PCLO: variants seen among roughly 807,000 people sequenced by gnomAD.
PCLO encodes piccolo presynaptic cytomatrix protein.
In PCLO, 82 loss-of-function variants were observed where a neutral mutation model predicts 427.5. The observed-to-expected ratio is 0.19, with a 90% CI of 0.16 to 0.23. The LOEUF (loss-of-function observed/expected upper bound fraction) is 0.23. Ranked by LOEUF, PCLO falls within the 10% of genes least tolerant of loss-of-function variation. The probability of loss-of-function intolerance (pLI) is 1.00; values close to 1 mark genes in which losing one functional copy is unlikely to be tolerated. For synonymous variants in PCLO, 2,357 were observed against 2,155.4 expected, an observed-to-expected ratio of 1.09 and a Z score of -2.59; for missense variants, 6,239 against 6,115.9, an observed-to-expected ratio of 1.02 and a Z score of -0.67.
chr7:83,028,660 A>C (rs976158724), intron 3 of PCLO, among the ~76,000 whole-genome samples: 72 of 150,792 alleles, frequency 4.8e-4, no homozygotes, highest in African/African-American at 1.6e-3. Context: ...GTCAATCCTA[A>C]GCCAAAAGAA....
chr7:82,884,317 A>G (rs1157889738), intron 9 of PCLO, among the ~76,000 whole-genome samples: 5 of 152,196 alleles, frequency 3.3e-5, no homozygotes, highest in African/African-American at 1.2e-4. Flanking sequence ...GAAATAAGGA[A>G]GACGAGTAAA....
In PCLO at chr7:82,758,702, G is replaced by A. The variant is rs1157469374; in HGVS notation, c.15302C>T (p.Ser5101Phe). Residue 5101 changes from serine (S) to phenylalanine (F), a missense_variant, in exon 25 of 25, where the codon TCC becomes TTC. Ser to Phe is a radical substitution (Grantham distance 155). Transcript: ENST00000333891. ...AGHSLQILLF[S>F]NGGKFMKKTL... is the part of the protein sequence containing the mutation. Reference sequence around the variant, plus strand: ...CTTTTTCATAAACTTCCCTCCATTGGAGAAAAGTAAAATCTAGAAAAAATA... The same window carrying A: ...CTTTTTCATAAACTTCCCTCCATTGAAGAAAAGTAAAATCTAGAAAAAATA... The A allele has an allele frequency of 1.9e-6, 3 of 1,596,452 alleles. No homozygotes were observed. Among genetic ancestry groups the A allele is most frequent in the East Asian group, 4.5e-5 (2 of 44,706 alleles).
rs1475072214 is a variant in PCLO at position 82,953,010 on chromosome 7, A to T, written c.7943T>A (p.Phe2648Tyr). Residue 2648 changes from phenylalanine to tyrosine, a missense_variant, in exon 5 of 25, where the codon TTT (phenylalanine) becomes TAT (tyrosine). Physicochemically the swap from Phe to Tyr is conservative, Grantham distance 22 (BLOSUM62 3). Coordinates refer to ENST00000333891, the MANE Select transcript of PCLO (RefSeq NM_033026.6). Reference sequence around the variant, plus strand: ...GGGTGCTGTGACAGGGGTAGCAGAAAATGTCTGTAAAGCTCCAGAGATGTA... The same window carrying T: ...GGGTGCTGTGACAGGGGTAGCAGAATATGTCTGTAAAGCTCCAGAGATGTA... The part of the protein sequence containing the change: ...TFYISGALQT[F>Y]SATPVTAPSS... 1.2e-6 allele frequency: 2 copies of T among 1,613,936 alleles called. No homozygotes were observed. Among genetic ancestry groups the T allele is most frequent in the Admixed American group, 3.3e-5 (2 of 60,020 alleles).
chr7:82,801,547 C>T lies in PCLO; in HGVS notation c.14978G>A (p.Gly4993Glu). ...QNGQEPVKQP[G>E]VGVGLADTEA... ...AGTGTCTGCTAGTCCTACTCCTACC[C>T]CTGGCTGTTTTACAGGCTCTTGTCC... Residue 4993 changes from glycine to glutamate, a missense_variant, in exon 22 of 25, where the codon GGG (glycine) becomes GAG (glutamate). Physicochemically the swap from Gly to Glu is moderately conservative, Grantham distance 98. Coordinates refer to ENST00000333891, the MANE Select transcript of PCLO (RefSeq NM_033026.6). The T allele has an allele frequency of 6.3e-7, 1 of 1,599,008 alleles. No individual in the cohort carries two copies. Among genetic ancestry groups the T allele is most frequent in the Admixed American group, 1.7e-5 (1 of 59,926 alleles).
intron 3 of PCLO, among the ~76,000 whole-genome samples, chr7:83,095,321 G>A (rs1184878321): frequency 2.6e-5 from 4 of 151,752 alleles, no homozygotes; most frequent in Non-Finnish European, 4.4e-5. Flanking sequence ...TACTGATAGT[G>A]GTAATTTGTA....
At chr7:82,834,075 G>T (rs1792165527) in intron 16 of PCLO, among the ~76,000 whole-genome samples, 2 of 152,144 alleles carry the variant, frequency 1.3e-5, no homozygotes, top group Admixed American at 6.6e-5. Context: ...CTAGATGAAA[G>T]ATATAAGAAA....
At position 83,162,562 on chromosome 7, in the gene PCLO, C is replaced by T; in HGVS notation, c.31G>A (p.Gly11Arg). The T allele has an allele frequency of 6.5e-7, 1 of 1,550,362 alleles. No homozygotes were observed. Among genetic ancestry groups the T allele is most frequent in the South Asian group, 1.2e-5 (1 of 84,216 alleles). Reference protein sequence around the residue: MGNEASLEGEGLPEGLAAAAA... With the variant: MGNEASLEGERLPEGLAAAAA... ...GCCGCCGCCAGCCCTTCGGGGAGCC[C>T]TTCCCCTTCCAAGCTCGCCTCGTTG... Residue 11 changes from glycine to arginine, a missense_variant, in exon 1 of 25, where the codon GGG (glycine) becomes AGG (arginine). Coordinates refer to ENST00000333891, the MANE Select transcript of PCLO (RefSeq NM_033026.6).
intron 3 of PCLO, among the ~76,000 whole-genome samples, chr7:83,124,984 G>A (rs1394851605): frequency 6.6e-6 from 1 of 152,172 alleles, no homozygotes; most frequent in Non-Finnish European, 1.5e-5. Flanking sequence ...TCCAGCTCCT[G>A]ACCTCGAGTG....
At chr7:82,946,447 A>G (rs1477321516) in intron 6 of PCLO, among the ~76,000 whole-genome samples, 1 of 152,228 alleles carries the variant, frequency 6.6e-6, no homozygotes, top group African/African-American at 2.4e-5. Flanking sequence ...TTAATAAGTA[A>G]TATATACAAA....
chr7:82,874,201 T>C (rs1231792055), intron 10 of PCLO, among the ~76,000 whole-genome samples: 1 of 152,084 alleles, frequency 6.6e-6, no homozygotes, highest in Non-Finnish European at 1.5e-5. Flanking sequence ...CTTATTTCTT[T>C]ATATATTGCT....
At chr7:82,829,747 T>C (rs1396883321) in intron 16 of PCLO, among the ~76,000 whole-genome samples, 1 of 152,162 alleles carries the variant, frequency 6.6e-6, no homozygotes, top group African/African-American at 2.4e-5. Context: ...CTAATTCCAC[T>C]TCTGCCATAG....
chr7:82,829,327 C>G (rs2115696995), intron 16 of PCLO, among the ~76,000 whole-genome samples: 1 of 152,292 alleles, frequency 6.6e-6, no homozygotes, highest in East Asian at 1.9e-4. Context: ...CCCCTGCTTA[C>G]TCCCCGAAGG....
chr7:83,120,781 C>T (rs552239631), intron 3 of PCLO, among the ~76,000 whole-genome samples: 3 of 152,170 alleles, frequency 2.0e-5, no homozygotes, highest in Admixed American at 2.0e-4. Context: ...GATTCCCAGA[C>T]AAGCAAAAGC....
At chr7:83,026,970 A>C (rs1180307834) in intron 3 of PCLO, among the ~76,000 whole-genome samples, 1 of 125,192 alleles carries the variant, frequency 8.0e-6, no homozygotes, top group African/African-American at 2.8e-5. Context: ...GTAGAGGGAA[A>C]TTTATAGCAC....
chr7:83,106,303 G>A (rs112905086), intron 3 of PCLO, among the ~76,000 whole-genome samples: 3 of 152,262 alleles, frequency 2.0e-5, no homozygotes, highest in African/African-American at 7.2e-5. Context: ...TGTGTCTGCC[G>A]CTAAAGTTAC....
intron 20 of PCLO, among the ~76,000 whole-genome samples, chr7:82,810,834 T>A (rs1220464663): frequency 6.6e-6 from 1 of 151,710 alleles, no homozygotes. Context: ...GCTATCACTG[T>A]ACTTACCACA....
intron 9 of PCLO, among the ~76,000 whole-genome samples, chr7:82,896,938 G>A (rs1457106230): frequency 1.3e-5 from 2 of 151,594 alleles, no homozygotes; most frequent in African/African-American, 2.4e-5. Flanking sequence ...CATAGCAAAT[G>A]CCTTTTTCAA....
intron 19 of PCLO, 133 bp downstream of exon 19, chr7:82,824,103 G>T: frequency 1.7e-6 from 1 of 589,454 alleles, no homozygotes; most frequent in Non-Finnish European, 2.9e-6. Context: ...CTCTTTGCAT[G>T]ACATTATATT....
intron 2 of PCLO, among the ~76,000 whole-genome samples, chr7:83,152,740 T>A (rs1792169706): frequency 6.6e-6 from 1 of 152,152 alleles, no homozygotes; most frequent in Admixed American, 6.6e-5. Context: ...CTTAATCTCA[T>A]CCCCTGGAAA....
Sources: allele counts gnomAD v4.1 joint callset (sites outside exome capture counted in the v4.1 genomes callset), GRCh38; gene constraint gnomAD v4.1.1; transcripts MANE v1.5; gene names NCBI Gene and HGNC (gene_info 2026-07-23, HGNC 2026-07-21).